Variants in ATG10 observed in about 807,000 individuals in gnomAD.
The protein encoded by ATG10 is ubiquitin-like-conjugating enzyme ATG10.
Under a neutral mutation model 32.1 loss-of-function variants are expected in ATG10, and 30 were observed. The ratio of observed to expected loss-of-function variants is 0.94; its 90% CI spans 0.70 to 1.27. ATG10 has a LOEUF of 1.27. Ranked by LOEUF, ATG10 falls within the 50% of genes most tolerant of loss-of-function variation. The pLI is 0.00. For synonymous variants in ATG10, 87 were observed against 91.5 expected, an observed-to-expected ratio of 0.95 and a Z score of 0.28; for missense variants, 233 against 262.3, an observed-to-expected ratio of 0.89 and a Z score of 0.77.
intron 3 of ATG10, among the ~76,000 whole-genome samples, chr5:82,137,189 C>T (rs754129589): frequency 1.3e-5 from 2 of 151,980 alleles, no homozygotes; most frequent in African/African-American, 2.4e-5. Flanking sequence ...TTGTTCTTAC[C>T]CACCTTTTGA....
At chr5:82,106,991 A>G (rs1490314590) in intron 3 of ATG10, among the ~76,000 whole-genome samples, 2 of 152,048 alleles carry the variant, frequency 1.3e-5, no homozygotes, top group African/African-American at 4.8e-5. Flanking sequence ...GATCTGCATA[A>G]CATTAGTGTA....
chr5:82,251,493 G>T (rs1268984529), intron 5 of ATG10, among the ~76,000 whole-genome samples: 1 of 152,142 alleles, frequency 6.6e-6, no homozygotes, highest in African/African-American at 2.4e-5. Flanking sequence ...AAATAGGGAG[G>T]TCTGGCATGC....
At chr5:82,027,955 A>G (rs1346859847) in intron 2 of ATG10, among the ~76,000 whole-genome samples, 1 of 152,242 alleles carries the variant, frequency 6.6e-6, no homozygotes, top group East Asian at 1.9e-4. Context: ...AAGGTTCTGC[A>G]AAGCAACAAG....
intron 1 of ATG10, among the ~76,000 whole-genome samples, chr5:81,975,476 T>C (rs887011421): frequency 6.6e-6 from 1 of 152,052 alleles, no homozygotes; most frequent in Non-Finnish European, 1.5e-5. Context: ...AGCTGAGGAG[T>C]TTGAGACCAG....
At chr5:82,238,957 A>AT (rs932015022) in intron 5 of ATG10, among the ~76,000 whole-genome samples, 5 of 152,266 alleles carry the variant, frequency 3.3e-5, no homozygotes, top group African/African-American at 1.2e-4. Flanking sequence ...ATAAGATACT[A>AT]TTTTTTAATG....
At chr5:82,077,276 A>G (rs756377867) in intron 3 of ATG10, among the ~76,000 whole-genome samples, 2 of 152,162 alleles carry the variant, frequency 1.3e-5, no homozygotes, top group African/African-American at 4.8e-5. Flanking sequence ...TGAGCAGTGC[A>G]GTGAGATCAT....
chr5:82,133,021 G>A (rs767985048), intron 3 of ATG10, among the ~76,000 whole-genome samples: 1 of 152,040 alleles, frequency 6.6e-6, no homozygotes, highest in Non-Finnish European at 1.5e-5. Flanking sequence ...TATATTTGTT[G>A]GCTGAATAAA....
At chr5:82,252,407 T>C (rs566455797) in intron 5 of ATG10, among the ~76,000 whole-genome samples, 155 bp from the exon 6 acceptor site, 3 of 152,242 alleles carry the variant, frequency 2.0e-5, no homozygotes, top group Admixed American at 2.0e-4. Context: ...GTTTGGATTA[T>C]AAATTGTTTT....
chr5:82,057,890 T>G (rs892189500), intron 2 of ATG10, among the ~76,000 whole-genome samples: 2 of 152,126 alleles, frequency 1.3e-5, no homozygotes, highest in Non-Finnish European at 2.9e-5. Flanking sequence ...GGATTAGACT[T>G]CAGAGGGCAG....
At chr5:82,027,677 C>T in intron 2 of ATG10, among the ~76,000 whole-genome samples, 1 of 152,172 alleles carries the variant, frequency 6.6e-6, no homozygotes, top group Admixed American at 6.5e-5. Context: ...ATTGTTCTTA[C>T]TTTTCAATCT....
intron 3 of ATG10, among the ~76,000 whole-genome samples, chr5:82,120,737 A>G (rs1766009442): frequency 2.6e-5 from 4 of 152,174 alleles, no homozygotes; most frequent in South Asian, 4.1e-4. Flanking sequence ...TCAAGGCAAC[A>G]TTCAGTCTCC....
intron 3 of ATG10, among the ~76,000 whole-genome samples, chr5:82,113,838 A>G (rs952248174): frequency 2.6e-5 from 4 of 151,886 alleles, no homozygotes; most frequent in Non-Finnish European, 5.9e-5. Flanking sequence ...TTTTTCCCTT[A>G]AGGTACTCAC....
At chr5:82,169,365 A>G (rs970882929) in intron 4 of ATG10, among the ~76,000 whole-genome samples, 1 of 151,986 alleles carries the variant, frequency 6.6e-6, no homozygotes, top group African/African-American at 2.4e-5. Flanking sequence ...TGTTGTTATT[A>G]ATTTTATAAC....
At chr5:82,009,667 C>T in intron 2 of ATG10, 1 of 1,586,840 alleles carries the variant, frequency 6.3e-7, no homozygotes, top group South Asian at 1.1e-5. Context: ...CCAAAGCACT[C>T]CATGACCTCC....
chr5:81,983,235 AC>A (rs761540035), intron 1 of ATG10, among the ~76,000 whole-genome samples: 4,448 of 75,870 alleles, frequency 0.059, 210 homozygotes, highest in Non-Finnish European at 0.076. Context: ...CTGGGGGCTG[AC>A]CCCCCCCCCC....
chr5:82,188,756 G>T lies in ATG10; in HGVS notation c.453+10169G>T, dbSNP rs1168707421. Among the ~76,000 whole-genome samples, 3 of 152,056 alleles carry T rather than the reference G, an allele frequency of 2.0e-5. No individual in the cohort carries two copies. In the East Asian group the frequency reaches 5.8e-4, roughly 29 times the overall value. The stretch of plus-strand genomic sequence containing the variant: ...TGCTACACTTACCCGTGTATGTTTT[G>T]AGTCCTTAGTAAGGAGTATATGCTA... On this transcript the variant is annotated intron_variant, in intron 5 of 7. Transcript: ENST00000282185.
chr5:82,069,056 T>G (rs1265810975), intron 3 of ATG10, among the ~76,000 whole-genome samples: 1 of 152,196 alleles, frequency 6.6e-6, no homozygotes, highest in East Asian at 1.9e-4. Context: ...ATTATTTTAT[T>G]AAGTATATTT....
At chr5:82,193,172 A>G (rs1045167353) in intron 5 of ATG10, among the ~76,000 whole-genome samples, 3 of 152,298 alleles carry the variant, frequency 2.0e-5, no homozygotes, top group South Asian at 2.1e-4. Flanking sequence ...TAAAGTTGTT[A>G]TTGGGCCTGT....
chr5:82,106,219 A>T (rs2149809103), intron 3 of ATG10, among the ~76,000 whole-genome samples: 3 of 152,320 alleles, frequency 2.0e-5, no homozygotes, highest in Admixed American at 2.0e-4. Flanking sequence ...AGCTATTTTT[A>T]AAAATGGCAT....
Sources: gnomAD v4.1 joint callset for allele counts (sites outside exome capture counted in the v4.1 genomes callset) on GRCh38, gnomAD v4.1.1 for gene constraint, MANE v1.5 for transcripts, NCBI Gene and HGNC (gene_info 2026-07-23, HGNC 2026-07-21) for gene names.